The following FBN1 variants were observed in gnomAD, a reference collection of about 807,000 sequenced individuals.
FBN1 encodes fibrillin-1.
Under a neutral mutation model 365.1 loss-of-function variants are expected in FBN1, and 29 were observed. The ratio of observed to expected loss-of-function variants is 0.08; its 90% CI spans 0.06 to 0.11. The LOEUF (loss-of-function observed/expected upper bound fraction) is 0.11. FBN1 is among the 10% of genes least tolerant of loss of function. The pLI is 1.00. For synonymous variants in FBN1, 1,210 were observed against 1,270.5 expected (o/e 0.95, Z 1.01); for missense variants, 2,476 against 3,703.2 (o/e 0.67, Z 8.60).
chr15:48,441,839 A>G lies in FBN1; in HGVS notation c.6045T>C (p.Asp2015=), dbSNP rs779825421. 17 of 1,613,428 alleles carry G rather than the reference A, an allele frequency of 1.1e-5. No individual in the cohort carries two copies. In the South Asian group the frequency reaches 1.6e-4, roughly 16 times the overall value. ...AAATTTCTGGCTCTTCGACACACTC[A>G]TCAATATCTAAAAGAATCACATGAG... ...SLQNEKCEDI[D]ECVEEPEICA... is the part of the protein sequence containing the mutation. The change falls in exon 50 of 66, where the codon GAT becomes GAC. Residue 2015 remains aspartate (D), a synonymous_variant. Coordinates refer to ENST00000316623, the MANE Select transcript of FBN1 (RefSeq NM_000138.5).
rs140637 is a variant in FBN1 at position 48,474,658 on chromosome 15, A to G, written c.3965-8T>C. On this transcript the variant is annotated splice_polypyrimidine_tract_variant and splice_region_variant and intron_variant, in intron 32 of 65. Transcript: ENST00000316623. ...TTTCACATTCATTGATGTCTGGAAA[A>G]ATGAGCAGTGATTTAGAAAAAGGCT... is the stretch of plus-strand genomic sequence containing the variant. 2,421 of 1,614,086 alleles carry G rather than the reference A, an allele frequency of 1.5e-3. 36 individuals are homozygous for G. The African/African-American group carries it at 0.029, about 19-fold the overall frequency.
chr15:48,556,388 A>C (rs1257715080), intron 6 of FBN1, among the ~76,000 whole-genome samples: 1 of 152,240 alleles, frequency 6.6e-6, no homozygotes, highest in African/African-American at 2.4e-5. Context: ...TGAGCTCGAA[A>C]GCATTCATAA....
At chr15:48,417,409 TCTTC>T (rs991565915) in intron 63 of FBN1, among the ~76,000 whole-genome samples, 32 of 144,550 alleles carry the variant, frequency 2.2e-4, no homozygotes, top group Non-Finnish European at 4.1e-4. Flanking sequence ...TCCTTCCCTT[TCTTC>T]CTTCCTTCCT....
chr15:48,456,138 C>T (rs1328146809), intron 44 of FBN1, among the ~76,000 whole-genome samples: 1 of 152,222 alleles, frequency 6.6e-6, no homozygotes, highest in Non-Finnish European at 1.5e-5. Context: ...GAAAAAAGTA[C>T]ATGTGCATGC....
At chr15:48,599,369 T>C (rs1255247768) in intron 5 of FBN1, among the ~76,000 whole-genome samples, 2 of 152,094 alleles carry the variant, frequency 1.3e-5, no homozygotes, top group African/African-American at 4.8e-5. Flanking sequence ...AAGTATTAAG[T>C]GAAAAAGTGG....
chr15:48,534,272 G>A, intron 7 of FBN1, 67 bp from the exon 8 acceptor site: 2 of 1,500,372 alleles, frequency 1.3e-6, no homozygotes, highest in Non-Finnish European at 9.1e-7. Context: ...AGAATAAAAT[G>A]TGATAATTTG....
chr15:48,437,459 G>C (rs2043082487), intron 51 of FBN1, 72 bp from the exon 52 acceptor site: 2 of 1,308,486 alleles, frequency 1.5e-6, no homozygotes, highest in South Asian at 2.4e-5. Flanking sequence ...AGTATTTTGA[G>C]GTAGAAAATT....
rs193922211 is a variant in FBN1, at chr15:48,537,822, AT to A, written c.539-15del. On this transcript the variant is annotated splice_polypyrimidine_tract_variant and intron_variant, in intron 6 of 65. Transcript: ENST00000316623. ...CTGTCCTGTAATCTGAAAATAAAGA[AT>A]AAAAATCTGATGAAAATCCAGAAAA... 2.8e-4 allele frequency: 456 copies of A among 1,613,552 alleles called. 1 individual carries two copies. The highest frequency in any genetic ancestry group is 8.7e-4 in the Admixed American group (52 of 60,028).
chr15:48,516,162 A>G, intron 11 of FBN1, 21 bp downstream of exon 11: 1 of 1,599,636 alleles, frequency 6.3e-7, no homozygotes, highest in Non-Finnish European at 8.6e-7. Context: ...AAAAATAACT[A>G]GATGATTTTT....
chr15:48,589,702 C>T (rs1208627480), intron 6 of FBN1, among the ~76,000 whole-genome samples: 3 of 150,990 alleles, frequency 2.0e-5, no homozygotes, highest in African/African-American at 7.3e-5. Flanking sequence ...CAAGCTCCAC[C>T]TCCTGGGTTC....
Position 48,463,947 on chromosome 15 carries a change from T to A in FBN1, c.5017A>T (p.Ile1673Phe). 6.2e-7 allele frequency: 1 copy of A among 1,613,960 alleles called. No homozygotes were observed. Among genetic ancestry groups the A allele is most frequent in the Middle Eastern group, 1.7e-4 (1 of 6,060 alleles). Residue 1673 changes from isoleucine (I) to phenylalanine (F), a missense_variant, in exon 41 of 66, where the codon ATC (isoleucine) becomes TTC (phenylalanine). Physicochemically the swap from Ile to Phe is conservative, Grantham distance 21. This residue lies in a region of FBN1 where 1,780 missense variants were observed against 2,840.8 expected (regional missense o/e 0.63). Transcript: ENST00000316623. Reference sequence around the variant, plus strand: ...ACTTGCATGTAGTCTGGAGGACAGATACAGGTGTAGTTGCCAACGGTGTTG... The same window carrying A: ...ACTTGCATGTAGTCTGGAGGACAGAAACAGGTGTAGTTGCCAACGGTGTTG... ...CYNTVGNYTC[I>F]CPPDYMQVNG...
At chr15:48,560,119 C>T (rs551062219) in intron 6 of FBN1, among the ~76,000 whole-genome samples, 97 of 152,194 alleles carry the variant, frequency 6.4e-4, no homozygotes, top group African/African-American at 2.0e-3. Flanking sequence ...GGCAGAGGTA[C>T]GTTAAGTTTT....
intron 6 of FBN1, among the ~76,000 whole-genome samples, chr15:48,551,710 C>G (rs150478915): frequency 6.6e-6 from 1 of 152,230 alleles, no homozygotes; most frequent in East Asian, 1.9e-4. Context: ...GTGCTATTCT[C>G]CTCTATGCGT....
At chr15:48,427,813 T>C (rs781205754) in intron 57 of FBN1, 40 bp from the exon 58 acceptor site, 11 of 1,575,248 alleles carry the variant, frequency 7.0e-6, no homozygotes, top group Non-Finnish European at 9.6e-6. Context: ...TGTCAGGAAA[T>C]TTTAAGAGCA....
chr15:48,542,781 ATGTGTGTGTGTG>A (rs58728910), intron 6 of FBN1, among the ~76,000 whole-genome samples: 2,477 of 130,536 alleles, frequency 0.019, 30 homozygotes, highest in Non-Finnish European at 0.026. Flanking sequence ...GGACTCTAAG[ATGTGTGTGTGTG>A]TGTGTGTGTG....
chr15:48,483,783 A>G (rs1280765944), intron 31 of FBN1, 35 bp downstream of exon 31: 2 of 1,612,318 alleles, frequency 1.2e-6, no homozygotes, highest in Non-Finnish European at 1.7e-6. Flanking sequence ...TATGACTAAC[A>G]AGACAAGATG....
At chr15:48,494,141 C>T (rs565365413) in intron 23 of FBN1, 63 bp downstream of exon 23, 22 of 1,302,604 alleles carry the variant, frequency 1.7e-5, no homozygotes, top group Middle Eastern at 1.9e-4. Flanking sequence ...TTATCCAGTC[C>T]GAGTTAACAC....
Position 48,520,298 on chromosome 15 carries a change from G to A in FBN1, c.1147+361C>T, listed in dbSNP as rs151115609. Among the ~76,000 whole-genome samples, 12 of 152,092 alleles carry A rather than the reference G, an allele frequency of 7.9e-5. No homozygotes were observed. In the South Asian group the frequency reaches 1.5e-3, roughly 18 times the overall value. ...AGTCCAATGTTAGGAAAAAGGAAATGTGTCTCCTGAACAACTTACCTGAAA... is the reference window on the plus strand; with the variant it reads ...AGTCCAATGTTAGGAAAAAGGAAATATGTCTCCTGAACAACTTACCTGAAA... On this transcript the variant is annotated intron_variant, in intron 10 of 65. Coordinates refer to ENST00000316623, the MANE Select transcript of FBN1 (RefSeq NM_000138.5).
chr15:48,524,256 C>T (rs1017184746), intron 9 of FBN1, among the ~76,000 whole-genome samples: 1 of 152,152 alleles, frequency 6.6e-6, no homozygotes, highest in Non-Finnish European at 1.5e-5. Flanking sequence ...GCTGGGAGGT[C>T]TGAGAGTCTC....
Sources: gnomAD v4.1 joint callset for allele counts (sites outside exome capture counted in the v4.1 genomes callset) on GRCh38, gnomAD v4.1.1 for gene constraint, gnomAD v4.1.1 regional missense constraint, MANE v1.5 for transcripts, NCBI Gene and HGNC (gene_info 2026-07-23, HGNC 2026-07-21) for gene names.